Variants in TMEM182 observed in about 807,000 individuals in gnomAD.
TMEM182 encodes transmembrane protein 182.
TMEM182 carries 20 observed loss-of-function variants against 26.8 expected under a neutral mutation model. The observed-to-expected ratio is 0.75, with a 90% CI of 0.53 to 1.09. The LOEUF (loss-of-function observed/expected upper bound fraction) is 1.09. Ranked by LOEUF, TMEM182 falls within the 50% of genes least tolerant of loss-of-function variation. The probability of loss-of-function intolerance (pLI) is 0.00; values close to 1 mark genes in which losing one functional copy is unlikely to be tolerated. For synonymous variants in TMEM182, 109 were observed against 102.2 expected, an observed-to-expected ratio of 1.07 and a Z score of -0.40; for missense variants, 277 against 275.5, an observed-to-expected ratio of 1.01 and a Z score of -0.04.
chr2:102,820,112 A>G (rs1369644963), downstream of TMEM182, among the ~76,000 whole-genome samples: 1 of 152,210 alleles, frequency 6.6e-6, no homozygotes, highest in Non-Finnish European at 1.5e-5. Context: ...GCAGAAGATT[A>G]TACTGATTGG....
intron 3 of TMEM182, among the ~76,000 whole-genome samples, chr2:102,841,979 G>A (rs1683360609): frequency 6.6e-6 from 1 of 152,070 alleles, no homozygotes; most frequent in Non-Finnish European, 1.5e-5. Context: ...TATCTAGCAT[G>A]GTTAGTTACA....
At chr2:102,778,350 A>G (rs1309507670) in intron 3 of TMEM182, among the ~76,000 whole-genome samples, 2 of 152,038 alleles carry the variant, frequency 1.3e-5, no homozygotes, top group African/African-American at 2.4e-5. Context: ...TTTGAATGAT[A>G]TAACACTTTT....
chr2:102,839,067 C>G (rs998683524), intron 3 of TMEM182, among the ~76,000 whole-genome samples: 2 of 152,118 alleles, frequency 1.3e-5, no homozygotes, highest in South Asian at 4.1e-4. Flanking sequence ...TAAAGAGGTT[C>G]TCAATTGATT....
At chr2:102,823,148 CATCTGG>C (rs1682959366) in intron 3 of TMEM182, among the ~76,000 whole-genome samples, 1 of 152,138 alleles carries the variant, frequency 6.6e-6, no homozygotes, top group African/African-American at 2.4e-5. Flanking sequence ...TGTTAGTGTA[CATCTGG>C]AAGGTTCCAT....
intron 3 of TMEM182, among the ~76,000 whole-genome samples, chr2:102,832,053 T>G (rs1683159917): frequency 6.6e-6 from 1 of 152,190 alleles, no homozygotes; most frequent in Admixed American, 6.5e-5. Context: ...CATGCTCTCA[T>G]ATCCCCATAC....
chr2:102,750,036 TG>T (rs955404601), intron 1 of TMEM182, among the ~76,000 whole-genome samples: 1 of 151,752 alleles, frequency 6.6e-6, no homozygotes, highest in African/African-American at 2.4e-5. Context: ...AATAAATAAA[TG>T]TTTTTTTTTA....
chr2:102,830,380 G>C (rs988889551), intron 3 of TMEM182, among the ~76,000 whole-genome samples: 2 of 152,132 alleles, frequency 1.3e-5, no homozygotes, highest in Non-Finnish European at 2.9e-5. Flanking sequence ...GGGTTTTAAG[G>C]GTTCTGTGTA....
intron 3 of TMEM182, among the ~76,000 whole-genome samples, chr2:102,788,154 C>G (rs1001917734): frequency 6.6e-6 from 1 of 152,230 alleles, no homozygotes; most frequent in African/African-American, 2.4e-5. Context: ...AGTGATCCTC[C>G]TGTGTAACAG....
chr2:102,838,909 G>A (rs1169052922), intron 3 of TMEM182, among the ~76,000 whole-genome samples: 1 of 151,952 alleles, frequency 6.6e-6, no homozygotes, highest in African/African-American at 2.4e-5. Context: ...TGAGAGAGAA[G>A]TCAAGGATGG....
intron 1 of TMEM182, among the ~76,000 whole-genome samples, chr2:102,756,854 C>T (rs1002502553): frequency 6.6e-6 from 1 of 151,952 alleles, no homozygotes; most frequent in East Asian, 2.0e-4. Flanking sequence ...CACTGTGTAG[C>T]CCAGGCTGGA....
intron 1 of TMEM182, among the ~76,000 whole-genome samples, chr2:102,741,045 G>A (rs1368011972): frequency 1.3e-5 from 2 of 152,200 alleles, no homozygotes; most frequent in Admixed American, 1.3e-4. Flanking sequence ...AGCTTGGGAA[G>A]TTGCCACTTC....
chr2:102,827,419 A>G (rs1245580598), intron 3 of TMEM182, among the ~76,000 whole-genome samples: 1 of 152,238 alleles, frequency 6.6e-6, no homozygotes, highest in Non-Finnish European at 1.5e-5. Context: ...AAAAGTGCTA[A>G]GTGGAATGAA....
At chr2:102,751,910 C>T (rs994979104) in intron 1 of TMEM182, among the ~76,000 whole-genome samples, 3 of 152,120 alleles carry the variant, frequency 2.0e-5, no homozygotes, top group Non-Finnish European at 4.4e-5. Flanking sequence ...TCAGGAGATC[C>T]TCGTACCCTG....
At chr2:102,833,528 A>T (rs1253893192) in intron 3 of TMEM182, among the ~76,000 whole-genome samples, 1 of 152,222 alleles carries the variant, frequency 6.6e-6, no homozygotes, top group African/African-American at 2.4e-5. Context: ...CAAGGTTAAC[A>T]TCCCAGGAAA....
chr2:102,797,242 A>G (rs1681908556), intron 3 of TMEM182, among the ~76,000 whole-genome samples: 1 of 152,208 alleles, frequency 6.6e-6, no homozygotes, highest in Non-Finnish European at 1.5e-5. Context: ...AAATTATCAG[A>G]TTTGCTTGGA....
intron 4 of TMEM182, among the ~76,000 whole-genome samples, chr2:102,813,378 T>C (rs1168386046): frequency 6.6e-6 from 1 of 152,232 alleles, no homozygotes; most frequent in Non-Finnish European, 1.5e-5. Context: ...CAGTCTCTGC[T>C]CCTAGTCTCA....
upstream of TMEM182, chr2:102,758,552 G>A: frequency 2.8e-6 from 2 of 711,882 alleles, no homozygotes; most frequent in South Asian, 3.0e-5. Flanking sequence ...ATCTGTACAG[G>A]AAACATGCAC....
chr2:102,784,210 A>G (rs1417027365), intron 3 of TMEM182, among the ~76,000 whole-genome samples: 1 of 152,254 alleles, frequency 6.6e-6, no homozygotes, highest in South Asian at 2.1e-4. Context: ...TGATCATGTC[A>G]ATTTCCCCAC....
At chr2:102,833,137 C>T (rs571226963) in intron 3 of TMEM182, among the ~76,000 whole-genome samples, 40 of 152,286 alleles carry the variant, frequency 2.6e-4, no homozygotes, top group Non-Finnish European at 4.6e-4. Flanking sequence ...AGGAGCTCCC[C>T]TTTCTCAGGC....
Sources: gnomAD v4.1 joint callset for allele counts (sites outside exome capture counted in the v4.1 genomes callset) on GRCh38, gnomAD v4.1.1 for gene constraint, MANE v1.5 for transcripts, NCBI Gene and HGNC (gene_info 2026-07-23, HGNC 2026-07-21) for gene names.